CTBP2: variants seen among roughly 807,000 people sequenced by gnomAD.
The protein encoded by CTBP2 is C-terminal binding protein 2.
CTBP2 carries 30 observed loss-of-function variants against 80.3 expected under a neutral mutation model. The observed-to-expected ratio is 0.37, with a 90% CI of 0.28 to 0.51. The LOEUF is 0.51. Among genes scored for constraint, CTBP2 ranks in the 20% least tolerant of loss-of-function variants. The pLI is 0.93. For synonymous variants in CTBP2, 594 were observed against 587.4 expected, an observed-to-expected ratio of 1.01 and a Z score of -0.16; for missense variants, 1,212 against 1,375.3, an observed-to-expected ratio of 0.88 and a Z score of 1.88.
intron 2 of CTBP2, among the ~76,000 whole-genome samples, chr10:125,071,116 CCGT>C (rs771591122): frequency 3.7e-4 from 57 of 152,230 alleles, no homozygotes; most frequent in Non-Finnish European, 5.4e-4. Context: ...TGCTCCCGAG[CCGT>C]GTGCCAGGGC....
At chr10:125,054,923 G>GA (rs1318783749) in intron 2 of CTBP2, among the ~76,000 whole-genome samples, 1 of 152,154 alleles carries the variant, frequency 6.6e-6, no homozygotes, top group African/African-American at 2.4e-5. Context: ...TGAAGGAACG[G>GA]AAAGTCTGCT....
chr10:125,075,685 C>A (rs190379640), intron 2 of CTBP2, among the ~76,000 whole-genome samples: 2 of 152,272 alleles, frequency 1.3e-5, no homozygotes, highest in Admixed American at 6.5e-5. Context: ...ACCCAAATAG[C>A]CAATGAAAAG....
At chr10:125,069,998 G>C (rs2135439727) in intron 2 of CTBP2, among the ~76,000 whole-genome samples, 1 of 150,632 alleles carries the variant, frequency 6.6e-6, no homozygotes, top group South Asian at 2.1e-4. Context: ...AGGCCTAGCT[G>C]GGCCAATCAC....
chr10:125,068,452 T>C (rs1844974294), intron 2 of CTBP2, among the ~76,000 whole-genome samples: 1 of 152,252 alleles, frequency 6.6e-6, no homozygotes, highest in African/African-American at 2.4e-5. Flanking sequence ...GAACATTTTA[T>C]TTGCAGTTTG....
chr10:124,984,828 G>A lies in CTBP2; in HGVS notation c.*4690C>T, dbSNP rs1589859970. 5 of 1,614,018 alleles carry A rather than the reference G, an allele frequency of 3.1e-6. No homozygotes were observed. Among genetic ancestry groups the A allele is most frequent in the Non-Finnish European group, 4.2e-6 (5 of 1,180,018 alleles). On this transcript the variant is annotated 3_prime_UTR_variant, in exon 9 of 9. Transcript: ENST00000309035. ...GCTCAGGGAGTGGCTGGACTGCTGTGTGACGGAGGGGGGAGTTCTGGTTGC... is the reference window on the plus strand; with the variant it reads ...GCTCAGGGAGTGGCTGGACTGCTGTATGACGGAGGGGGGAGTTCTGGTTGC...
At chr10:124,992,209 CTTTTTTTTTTTT>C (rs61400691) in intron 8 of CTBP2, among the ~76,000 whole-genome samples, 11 of 102,496 alleles carry the variant, frequency 1.1e-4, no homozygotes, top group African/African-American at 4.0e-4. Context: ...TTGAGAAGCC[CTTTTTTTTTTTT>C]TTTTTTTGGT....
chr10:125,075,205 G>A (rs1185668882), intron 2 of CTBP2, among the ~76,000 whole-genome samples: 1 of 152,086 alleles, frequency 6.6e-6, no homozygotes, highest in Non-Finnish European at 1.5e-5. Flanking sequence ...ATGCAACAAT[G>A]GTCTTCCATC....
At chr10:125,137,828 TCA>T (rs1457476004) in intron 1 of CTBP2, among the ~76,000 whole-genome samples, 1 of 152,142 alleles carries the variant, frequency 6.6e-6, no homozygotes, top group Non-Finnish European at 1.5e-5. Flanking sequence ...ACAAATCAAA[TCA>T]CACACCAAAA....
chr10:125,060,458 C>G (rs1397054654), intron 2 of CTBP2, among the ~76,000 whole-genome samples: 1 of 137,732 alleles, frequency 7.3e-6, no homozygotes, highest in Non-Finnish European at 1.5e-5. Context: ...ATTCCATTCC[C>G]CCCACGTGTG....
chr10:125,115,295 T>G (rs1193636778), intron 1 of CTBP2, among the ~76,000 whole-genome samples: 1 of 152,184 alleles, frequency 6.6e-6, no homozygotes, highest in Non-Finnish European at 1.5e-5. Context: ...GCTGTGTTCC[T>G]CACACTCCAG....
At chr10:125,094,300 T>C (rs1000729271) in intron 2 of CTBP2, among the ~76,000 whole-genome samples, 3 of 152,182 alleles carry the variant, frequency 2.0e-5, no homozygotes, top group Non-Finnish European at 2.9e-5. Flanking sequence ...TAAATCTGTC[T>C]GTCAAATGCA....
intron 1 of CTBP2, among the ~76,000 whole-genome samples, chr10:125,145,573 A>G (rs1858615570): frequency 6.6e-6 from 1 of 152,208 alleles, no homozygotes; most frequent in South Asian, 2.1e-4. Context: ...ACAGGGCACA[A>G]ACAGCCACTC....
chr10:125,143,529 A>G (rs538400805), intron 1 of CTBP2, among the ~76,000 whole-genome samples: 194 of 152,288 alleles, frequency 1.3e-3, no homozygotes, highest in Non-Finnish European at 2.0e-3. Context: ...ACCATGTAAC[A>G]TGTTGAAACC....
intron 2 of CTBP2, among the ~76,000 whole-genome samples, chr10:125,073,320 C>T (rs551321881): frequency 6.6e-6 from 1 of 152,332 alleles, no homozygotes; most frequent in Admixed American, 6.5e-5. Context: ...ACCGCAGCCT[C>T]CCGAGTTCAA....
At chr10:125,098,069 C>T (rs1849822658) in intron 2 of CTBP2, among the ~76,000 whole-genome samples, 2 of 152,136 alleles carry the variant, frequency 1.3e-5, no homozygotes, top group Admixed American at 6.5e-5. Context: ...CGCAGTGAAC[C>T]GAGATCGCAC....
chr10:125,025,921 C>T (rs1564736413), intron 1 of CTBP2, among the ~76,000 whole-genome samples: 1 of 152,214 alleles, frequency 6.6e-6, no homozygotes, highest in South Asian at 2.1e-4. Flanking sequence ...TAAGAGAAGC[C>T]GTGTCAACTG....
chr10:125,056,383 G>A, intron 2 of CTBP2, among the ~76,000 whole-genome samples: 1 of 152,176 alleles, frequency 6.6e-6, no homozygotes, highest in Non-Finnish European at 1.5e-5. Flanking sequence ...GACACGCCCA[G>A]CACAGATGTC....
At chr10:125,046,160 C>G (rs1320453012) in intron 2 of CTBP2, among the ~76,000 whole-genome samples, 7 of 152,108 alleles carry the variant, frequency 4.6e-5, no homozygotes, top group Admixed American at 3.9e-4. Flanking sequence ...CATACTGACC[C>G]AACTGCATTA....
chr10:124,993,398 A>G, intron 6 of CTBP2, 69 bp from the exon 9 acceptor site: 1 of 1,536,286 alleles, frequency 6.5e-7, no homozygotes, highest in Non-Finnish European at 8.9e-7. Context: ...CCTCAGCACA[A>G]GGGAGCTCTT....
Sources: gnomAD v4.1 joint callset for allele counts (sites outside exome capture counted in the v4.1 genomes callset) on GRCh38, gnomAD v4.1.1 for gene constraint, MANE v1.5 for transcripts, NCBI Gene and HGNC (gene_info 2026-07-23, HGNC 2026-07-21) for gene names.